The following EREG variants were observed in gnomAD, a reference collection of about 807,000 sequenced individuals.
EREG encodes the protein proepiregulin.
EREG carries 23 observed loss-of-function variants against 22.4 expected under a neutral mutation model. The observed-to-expected ratio is 1.03, with a 90% confidence interval of 0.74 to 1.46. EREG has a LOEUF of 1.46. Ranked by LOEUF, EREG falls within the 40% of genes most tolerant of loss-of-function variation. The pLI is 0.00. For synonymous variants in EREG, 100 were observed against 75.4 expected, an observed-to-expected ratio of 1.33 and a Z score of -1.69; for missense variants, 226 against 205.9, an observed-to-expected ratio of 1.10 and a Z score of -0.60.
At chr4:74,383,564 G>T (rs16851081) in intron 4 of EREG, among the ~76,000 whole-genome samples, 1 of 152,038 alleles carries the variant, frequency 6.6e-6, no homozygotes, top group African/African-American at 2.4e-5. Flanking sequence ...TTTTTTAAGG[G>T]TTAGGAGCAA....
At chr4:74,373,750 A>G (rs1716650888) in intron 1 of EREG, among the ~76,000 whole-genome samples, 1 of 148,394 alleles carries the variant, frequency 6.7e-6, no homozygotes, top group South Asian at 2.1e-4. Flanking sequence ...ATATATATCT[A>G]TACACACACA....
rs1176754789 is a variant in EREG, at chr4:74,381,144, T to C, written c.278+7T>C. On this transcript the variant is annotated splice_region_variant and intron_variant, in intron 3 of 4. Transcript: ENST00000244869. ...TGAGTCAAAACTACTGCAGGTAATATGTCAGAAATAAACAAACACAGTTTG... is the reference window on the plus strand; with the variant it reads ...TGAGTCAAAACTACTGCAGGTAATACGTCAGAAATAAACAAACACAGTTTG... 3.1e-6 allele frequency: 5 copies of C among 1,607,252 alleles called. No individual in the cohort carries two copies. The highest frequency in any genetic ancestry group is 1.3e-5 in the African/African-American group (1 of 74,678).
Position 74,365,379 on chromosome 4 carries a change from A to G in EREG, c.67+4A>G. 6.2e-7 allele frequency: 1 copy of G among 1,611,960 alleles called. No homozygotes were observed. The highest frequency in any genetic ancestry group is 8.5e-7 in the Non-Finnish European group (1 of 1,179,840). On this transcript the variant is annotated splice_donor_region_variant and intron_variant, in intron 1 of 4. Transcript: ENST00000244869. ...CCTGCGCTGCTGCTCTGCCTGGGTA[A>G]GTTCTCCCCCTCTGGCTTCCGGCCG...
In EREG at chr4:74,379,475, G is replaced by A. The variant is rs187400567; in HGVS notation, c.95G>A (p.Ser32Asn). 11 of 1,611,388 alleles carry A rather than the reference G, an allele frequency of 6.8e-6. No homozygotes were observed. The East Asian group carries it at 2.0e-4, about 29-fold the overall frequency. Residue 32 changes from serine to asparagine, a missense_variant, in exon 2 of 5, where the codon AGT (serine) becomes AAT (asparagine). Transcript: ENST00000244869. ...TTCCATCTTCTACAGGCAGTCCTCA[G>A]TACAACTGTGATTCCATCATGTATC... ...LGFHLLQAVL[S>N]TTVIPSCIPG...
chr4:74,375,874 A>G (rs936283478), intron 1 of EREG, among the ~76,000 whole-genome samples: 15 of 152,160 alleles, frequency 9.9e-5, no homozygotes, highest in African/African-American at 2.9e-4. Flanking sequence ...GCAGTTATAC[A>G]CTTTAATTTG....
chr4:74,368,571 A>G (rs1251495966), intron 1 of EREG, among the ~76,000 whole-genome samples: 3 of 152,194 alleles, frequency 2.0e-5, no homozygotes, highest in Admixed American at 1.3e-4. Flanking sequence ...AAAAATAACA[A>G]TACTCATATA....
chr4:74,369,728 T>C (rs1024550555), intron 1 of EREG, among the ~76,000 whole-genome samples: 3 of 152,132 alleles, frequency 2.0e-5, no homozygotes, highest in African/African-American at 7.2e-5. Context: ...AGAGGCATAG[T>C]GTATAGTGTA....
At chr4:74,372,675 T>A (rs114650693) in intron 1 of EREG, among the ~76,000 whole-genome samples, 2 of 152,074 alleles carry the variant, frequency 1.3e-5, no homozygotes, top group Non-Finnish European at 2.9e-5. Flanking sequence ...GAGAAAAAAA[T>A]ATGTTTCCAA....
At position 74,381,043 on chromosome 4, in the gene EREG, C is replaced by T; in HGVS notation, c.184C>T (p.Gln62Ter). The T allele has an allele frequency of 6.2e-7, 1 of 1,613,564 alleles. No homozygotes were observed. The part of the protein sequence containing the change: ...VQTEDNPRVA[Q>*]VSITKCSSDM... The stretch of plus-strand genomic sequence containing the variant: ...GACAGAAGACAATCCACGTGTGGCT[C>T]AAGTGTCAATAACAAAGTGTAGCTC... Residue 62 changes from glutamine to a stop codon, truncating the protein, a stop_gained, in exon 3 of 5, where the codon CAA (glutamine) becomes TAA (stop). Coordinates refer to ENST00000244869, the MANE Select transcript of EREG (RefSeq NM_001432.3). LOFTEE classifies it high-confidence loss of function.
At chr4:74,370,402 TAG>T (rs1752269912) in intron 1 of EREG, among the ~76,000 whole-genome samples, 1 of 152,200 alleles carries the variant, frequency 6.6e-6, no homozygotes, top group Non-Finnish European at 1.5e-5. Context: ...CACTATGTTA[TAG>T]ACTCAATTAG....
At chr4:74,371,825 T>C (rs527804537) in intron 1 of EREG, among the ~76,000 whole-genome samples, 1 of 152,094 alleles carries the variant, frequency 6.6e-6, no homozygotes, top group Admixed American at 6.5e-5. Context: ...GTCCTGCCTA[T>C]GTCTCCTCCT....
rs914297991 is a variant in EREG, at chr4:74,382,857, A to C, written c.428+63A>C. 7 of 1,220,138 alleles carry C rather than the reference A, an allele frequency of 5.7e-6. No individual in the cohort carries two copies. The Admixed American group carries it at 1.5e-4, about 26-fold the overall frequency. 75.6% of individuals were successfully genotyped at this position (1,220,138 alleles called of 1,614,324 possible). ...TACTTTTACATAATGCAGACCTATAAACTGGGTAAAAATATGGATAAAGTA... is the reference window on the plus strand; with the variant it reads ...TACTTTTACATAATGCAGACCTATACACTGGGTAAAAATATGGATAAAGTA... On this transcript the variant is annotated intron_variant, in intron 4 of 4. Transcript: ENST00000244869.
At chr4:74,371,280 T>C (rs1323210761) in intron 1 of EREG, among the ~76,000 whole-genome samples, 2 of 152,170 alleles carry the variant, frequency 1.3e-5, no homozygotes, top group African/African-American at 4.8e-5. Flanking sequence ...ACAAAATTAA[T>C]TTTAATGATA....
Position 74,382,643 on chromosome 4 carries a change from A to G in EREG, c.279-2A>G. ...CTTTCTTTCTTCCGTATTTTCCTTC[A>G]GGTGTGAAGTGGGTTATACTGGTGT... On this transcript the variant is annotated splice_acceptor_variant, in intron 3 of 4. Coordinates refer to ENST00000244869, the MANE Select transcript of EREG (RefSeq NM_001432.3). LOFTEE classifies it high-confidence loss of function. The G allele has an allele frequency of 6.4e-7, 1 of 1,566,108 alleles. No homozygotes were observed. The highest frequency in any genetic ancestry group is 8.6e-7 in the Non-Finnish European group (1 of 1,160,432).
At chr4:74,370,138 A>G (rs559693116) in intron 1 of EREG, among the ~76,000 whole-genome samples, 1 of 152,268 alleles carries the variant, frequency 6.6e-6, no homozygotes, top group East Asian at 1.9e-4. Flanking sequence ...TCATCCTTTA[A>G]GACTGAAAAA....
intron 1 of EREG, among the ~76,000 whole-genome samples, chr4:74,374,707 T>G (rs775940859): frequency 2.6e-5 from 4 of 152,058 alleles, no homozygotes; most frequent in African/African-American, 4.8e-5. Flanking sequence ...ACTCAACCTC[T>G]CCCACGCGCG....
chr4:74,369,367 T>TAGTACATAGTACAA (rs1752253039), intron 1 of EREG, among the ~76,000 whole-genome samples: 1 of 151,948 alleles, frequency 6.6e-6, no homozygotes, highest in Non-Finnish European at 1.5e-5. Flanking sequence ...TGTGTACTCA[T>TAGTACATAGTACAA]AGTACATAGT....
At chr4:74,383,067 A>G (rs1282318729) in intron 4 of EREG, among the ~76,000 whole-genome samples, 1 of 152,214 alleles carries the variant, frequency 6.6e-6, no homozygotes, top group African/African-American at 2.4e-5. Flanking sequence ...TTATTTTTTA[A>G]AAATATGTTT....
At chr4:74,379,891 A>C (rs1004244998) in intron 2 of EREG, among the ~76,000 whole-genome samples, 1 of 152,170 alleles carries the variant, frequency 6.6e-6, no homozygotes, top group African/African-American at 2.4e-5. Flanking sequence ...CTTTGTACAG[A>C]ATAGGTTCTC....
Sources: gnomAD v4.1 joint callset for allele counts (sites outside exome capture counted in the v4.1 genomes callset) on GRCh38, gnomAD v4.1.1 for gene constraint, MANE v1.5 for transcripts, NCBI Gene and HGNC (gene_info 2026-07-23, HGNC 2026-07-21) for gene names.